Variants in SSH2 observed in about 807,000 individuals in gnomAD.
SSH2 encodes slingshot protein phosphatase 2.
In SSH2, 37 loss-of-function variants were observed where a neutral mutation model predicts 135.2. That is an observed-to-expected ratio of 0.27 (90% CI 0.21 to 0.36). The LOEUF is 0.36. Among genes scored for constraint, SSH2 ranks in the 10% least tolerant of loss-of-function variants. The pLI, the probability that SSH2 is intolerant of heterozygous loss-of-function variation, is 1.00. For synonymous variants in SSH2, 628 were observed against 646.2 expected (o/e 0.97, Z 0.43); for missense variants, 1,408 against 1,765.3 (o/e 0.80, Z 3.63).
At chr17:29,677,642 CTGTAA>C in intron 7 of SSH2, 26 bp downstream of exon 7, 1 of 1,599,692 alleles carries the variant, frequency 6.3e-7, no homozygotes, top group Non-Finnish European at 8.6e-7. Context: ...CCTTGGCTTT[CTGTAA>C]CAGAATAAAA....
intron 3 of SSH2, among the ~76,000 whole-genome samples, chr17:29,732,648 CA>C (rs2040234267): frequency 6.6e-6 from 1 of 152,160 alleles, no homozygotes; most frequent in Non-Finnish European, 1.5e-5. Context: ...CAGCCAAGTT[CA>C]CACCTCGCTA....
chr17:29,698,420 G>A (rs1488697364), intron 4 of SSH2, among the ~76,000 whole-genome samples: 1 of 152,140 alleles, frequency 6.6e-6, no homozygotes, highest in Non-Finnish European at 1.5e-5. Context: ...CAAAGTGTTA[G>A]GTATAAACAG....
At chr17:29,666,203 T>G (rs576277237) in intron 11 of SSH2, among the ~76,000 whole-genome samples, 1 of 151,882 alleles carries the variant, frequency 6.6e-6, no homozygotes, top group African/African-American at 2.4e-5. Context: ...TAAAACCCCA[T>G]CTCCACAAAA....
chr17:29,656,733 T>C (rs1377691154), intron 11 of SSH2, among the ~76,000 whole-genome samples: 1 of 152,160 alleles, frequency 6.6e-6, no homozygotes, highest in African/African-American at 2.4e-5. Context: ...CATATCATAC[T>C]TTTTCCCCCT....
At chr17:29,806,245 C>T (rs951421378) in intron 2 of SSH2, among the ~76,000 whole-genome samples, 2 of 152,100 alleles carry the variant, frequency 1.3e-5, no homozygotes, top group South Asian at 2.1e-4. Context: ...TGAACCACTC[C>T]GGAATGAATG....
intron 3 of SSH2, among the ~76,000 whole-genome samples, chr17:29,786,427 T>C (rs2041965681): frequency 6.6e-6 from 1 of 152,148 alleles, no homozygotes; most frequent in African/African-American, 2.4e-5. Flanking sequence ...TTGCAGAAAG[T>C]CCCTGTTCCC....
intron 4 of SSH2, among the ~76,000 whole-genome samples, chr17:29,696,672 C>T (rs1338472549): frequency 2.9e-5 from 4 of 137,438 alleles, no homozygotes; most frequent in African/African-American, 5.4e-5. Flanking sequence ...TATATACGTA[C>T]GTGTGTGTGT....
intron 14 of SSH2, 163 bp downstream of exon 14, chr17:29,647,981 A>C (rs914417578): frequency 1.4e-6 from 1 of 711,370 alleles, no homozygotes. Context: ...CAAATCTTAA[A>C]TGCTTACACT....
At chr17:29,881,751 C>T (rs1038598048) in intron 1 of SSH2, among the ~76,000 whole-genome samples, 6 of 152,216 alleles carry the variant, frequency 3.9e-5, no homozygotes, top group East Asian at 1.9e-4. Context: ...CTGCCCACCT[C>T]GGCCTCCCAA....
chr17:29,741,308 A>C (rs536663911), intron 3 of SSH2, among the ~76,000 whole-genome samples: 3 of 152,330 alleles, frequency 2.0e-5, no homozygotes, highest in South Asian at 4.1e-4. Context: ...AGCCCTAGAA[A>C]TATGTATGTC....
At chr17:29,635,477 T>C (rs1318927325) in intron 15 of SSH2, among the ~76,000 whole-genome samples, 3 of 152,054 alleles carry the variant, frequency 2.0e-5, no homozygotes, top group Non-Finnish European at 2.9e-5. Flanking sequence ...CAATCTCGGC[T>C]CACTGCAAGC....
intron 3 of SSH2, among the ~76,000 whole-genome samples, chr17:29,710,507 T>C (rs1414493577): frequency 6.6e-6 from 1 of 152,218 alleles, no homozygotes; most frequent in Non-Finnish European, 1.5e-5. Flanking sequence ...CTTTCAAATA[T>C]ATTCCACTCT....
chr17:29,917,404 C>T (rs1477751657), intron 1 of SSH2, among the ~76,000 whole-genome samples: 2 of 152,132 alleles, frequency 1.3e-5, no homozygotes, highest in African/African-American at 4.8e-5. Context: ...TGTGCCTTTC[C>T]CACTGCTCAC....
intron 1 of SSH2, among the ~76,000 whole-genome samples, chr17:29,890,120 C>T (rs1184278842): frequency 6.6e-6 from 1 of 152,142 alleles, no homozygotes; most frequent in East Asian, 1.9e-4. Context: ...TGAGATAATA[C>T]TTCATATTCA....
chr17:29,810,029 T>G (rs1177420129), intron 2 of SSH2, among the ~76,000 whole-genome samples: 1 of 152,150 alleles, frequency 6.6e-6, no homozygotes, highest in Non-Finnish European at 1.5e-5. Context: ...ATTATAAGCT[T>G]GAAGGCAGGA....
chr17:29,770,635 G>A (rs1261143635), intron 3 of SSH2, among the ~76,000 whole-genome samples: 1 of 151,762 alleles, frequency 6.6e-6, no homozygotes, highest in African/African-American at 2.4e-5. Flanking sequence ...ACCACGCCCA[G>A]GTAATTTTTG....
intron 3 of SSH2, among the ~76,000 whole-genome samples, chr17:29,777,236 T>A (rs1011985982): frequency 1.0e-3 from 152 of 151,270 alleles, no homozygotes; most frequent in Middle Eastern, 6.8e-3. Context: ...AAAAAAAAAA[T>A]TTTAAATTCA....
intron 2 of SSH2, 127 bp downstream of exon 2, chr17:29,848,722 A>C: frequency 2.1e-6 from 1 of 475,696 alleles, no homozygotes; most frequent in Non-Finnish European, 3.5e-6. Flanking sequence ...CTTCCCAGAC[A>C]TTTGGCTGAA....
At chr17:29,813,853 TG>T (rs1289783399) in intron 2 of SSH2, among the ~76,000 whole-genome samples, 1 of 144,376 alleles carries the variant, frequency 6.9e-6, no homozygotes, top group African/African-American at 2.6e-5. Context: ...AAAAAAAGGC[TG>T]GGCTTGGTGG....
Sources: allele counts gnomAD v4.1 joint callset (sites outside exome capture counted in the v4.1 genomes callset), GRCh38; gene constraint gnomAD v4.1.1; transcripts MANE v1.5; gene names NCBI Gene and HGNC (gene_info 2026-07-23, HGNC 2026-07-21).